SHISA9: variants seen among roughly 807,000 people sequenced by gnomAD.
SHISA9 encodes the protein protein shisa-9.
SHISA9 carries 13 observed loss-of-function variants against 38.0 expected under a neutral mutation model. That is an observed-to-expected ratio of 0.34 (90% CI 0.22 to 0.54). SHISA9 has a LOEUF of 0.54. SHISA9 is among the 20% of genes least tolerant of loss of function. The pLI, the probability that SHISA9 is intolerant of heterozygous loss-of-function variation, is 0.91. For missense variants in SHISA9, 538 were observed against 575.8 expected (o/e 0.93, Z 0.67); for synonymous variants, 275 against 242.0 (o/e 1.14, Z -1.27).
the SHISA9 span, among the ~76,000 whole-genome samples, chr16:13,412,096 C>T: frequency 7.9e-5 from 12 of 151,916 alleles, no homozygotes; most frequent in African/African-American, 2.4e-4. Flanking sequence ...AAGGCCTATT[C>T]TCGAATGTAA....
At chr16:12,985,874 T>G (rs1159676387) in intron 2 of SHISA9, among the ~76,000 whole-genome samples, 1 of 152,138 alleles carries the variant, frequency 6.6e-6, no homozygotes, top group Non-Finnish European at 1.5e-5. Flanking sequence ...TGCCTAAGAG[T>G]TTGTATCCTG....
the SHISA9 span, among the ~76,000 whole-genome samples, chr16:13,357,923 G>A: frequency 6.6e-6 from 1 of 152,044 alleles, no homozygotes; most frequent in Non-Finnish European, 1.5e-5. Flanking sequence ...CTTTTGTGGT[G>A]GAATGTCATC....
At chr16:13,374,906 C>G in the SHISA9 span, among the ~76,000 whole-genome samples, 1 of 152,358 alleles carries the variant, frequency 6.6e-6, no homozygotes, top group African/African-American at 2.4e-5. Context: ...TTGCATTTCT[C>G]TGATGGCCAG....
rs550824399 is a variant in SHISA9, at chr16:12,975,531, A to T, written c.691+58716A>T. 2.0e-5 allele frequency among the ~76,000 whole-genome samples: 3 copies of T among 151,692 alleles called. No homozygotes were observed. The Admixed American group carries it at 2.0e-4, about 10-fold the overall frequency. On this transcript the variant is annotated intron_variant, in intron 2 of 4. Transcript: ENST00000558583. ...AAAGAAAGGAAAAAGGAATAGAGTT[A>T]TTAGCTCTGTCAGAATAATTGGATT... is the stretch of plus-strand genomic sequence containing the variant.
the SHISA9 span, among the ~76,000 whole-genome samples, chr16:13,407,092 AAAAAAG>A: frequency 1.3e-5 from 2 of 150,918 alleles, no homozygotes; most frequent in African/African-American, 2.4e-5. Flanking sequence ...AAAAAAAAAA[AAAAAAG>A]ACCATGACTT....
chr16:13,408,989 T>C, the SHISA9 span, among the ~76,000 whole-genome samples: 1 of 152,182 alleles, frequency 6.6e-6, no homozygotes, highest in Non-Finnish European at 1.5e-5. Flanking sequence ...AGTTGTCTTT[T>C]GGCCTGCCAC....
At chr16:13,234,723 G>A (rs2051363969) in intron 4 of SHISA9, among the ~76,000 whole-genome samples, 1 of 152,160 alleles carries the variant, frequency 6.6e-6, no homozygotes, top group Non-Finnish European at 1.5e-5. Flanking sequence ...AATTTCATAG[G>A]CAAACCAACG....
chr16:13,184,218 C>T lies in SHISA9; in HGVS notation c.692-19176C>T, dbSNP rs2050800781. ...TTACCCACCTATTTCCATTCCACTGCCTCACATAACTAATCACCTGTAAAC... is the reference window on the plus strand; with the variant it reads ...TTACCCACCTATTTCCATTCCACTGTCTCACATAACTAATCACCTGTAAAC... On this transcript the variant is annotated intron_variant, in intron 2 of 4. Transcript: ENST00000558583. 1.3e-5 allele frequency among the ~76,000 whole-genome samples: 2 copies of T among 152,160 alleles called. 1 individual carries two copies. Among genetic ancestry groups the T allele is most frequent in the South Asian group, 4.1e-4 (2 of 4,822 alleles).
chr16:12,986,060 C>T (rs1371058602), intron 2 of SHISA9, among the ~76,000 whole-genome samples: 1 of 152,288 alleles, frequency 6.6e-6, no homozygotes, highest in South Asian at 2.1e-4. Flanking sequence ...TTCAGGGCTT[C>T]CTTCCTTTCT....
At position 13,204,183 on chromosome 16, in the gene SHISA9, T is replaced by C. The variant is rs534069850; in HGVS notation, c.847+634T>C. Among the ~76,000 whole-genome samples, 189 of 150,674 alleles carry C rather than the reference T, an allele frequency of 1.3e-3. 1 individual carries two copies. Among genetic ancestry groups the C allele is most frequent in the African/African-American group, 4.5e-3 (183 of 41,004 alleles). On this transcript the variant is annotated intron_variant, in intron 3 of 4. Coordinates refer to ENST00000558583, the MANE Select transcript of SHISA9 (RefSeq NM_001145204.3). The stretch of plus-strand genomic sequence containing the variant: ...CTATCTATCTATTTATCTATCATCT[T>C]TCTATCTACCTATTATCTGTCTGTC...
rs188104663 is a variant in SHISA9 at position 13,069,407 on chromosome 16, T to A, written c.692-133987T>A. 1.0e-3 allele frequency among the ~76,000 whole-genome samples: 158 copies of A among 152,198 alleles called. 2 individuals are homozygous for A. The highest frequency in any genetic ancestry group is 1.8e-3 in the Non-Finnish European group (120 of 67,972). On this transcript the variant is annotated intron_variant, in intron 2 of 4. Coordinates refer to ENST00000558583, the MANE Select transcript of SHISA9 (RefSeq NM_001145204.3). ...GCAATGTGTATGTGTGTACATACAA[T>A]GTGTGCATGTGTGTGTATGTGTATG...
chr16:13,174,734 C>A (rs1020160986), intron 2 of SHISA9, among the ~76,000 whole-genome samples: 3 of 152,148 alleles, frequency 2.0e-5, no homozygotes, highest in African/African-American at 7.2e-5. Flanking sequence ...ATGAAATGAT[C>A]TCTCTCTTGC....
At chr16:13,384,960 G>T in the SHISA9 span, among the ~76,000 whole-genome samples, 1 of 152,060 alleles carries the variant, frequency 6.6e-6, no homozygotes, top group African/African-American at 2.4e-5. Context: ...CATAAAGAAT[G>T]CTCCAAACTC....
intron 2 of SHISA9, among the ~76,000 whole-genome samples, chr16:13,159,192 T>G (rs1037815354): frequency 1.3e-5 from 2 of 152,284 alleles, no homozygotes; most frequent in Non-Finnish European, 2.9e-5. Context: ...AAACAAGACC[T>G]ATTTCTAGGA....
chr16:13,246,922 T>C, the SHISA9 span, among the ~76,000 whole-genome samples: 5 of 151,702 alleles, frequency 3.3e-5, no homozygotes, highest in South Asian at 1.0e-3. Flanking sequence ...GTTTTCACAC[T>C]GCTATAAAGA....
At chr16:13,318,662 C>T in the SHISA9 span, among the ~76,000 whole-genome samples, 5 of 152,240 alleles carry the variant, frequency 3.3e-5, no homozygotes, top group Admixed American at 3.3e-4. Flanking sequence ...CAATGTTGCT[C>T]CCAGCTGAGG....
chr16:13,544,867 C>T, the SHISA9 span, among the ~76,000 whole-genome samples: 1 of 152,088 alleles, frequency 6.6e-6, no homozygotes, highest in Non-Finnish European at 1.5e-5. Context: ...CACTTAAATG[C>T]AGGAGGTGGA....
chr16:13,073,437 G>C (rs997590701), intron 2 of SHISA9, among the ~76,000 whole-genome samples: 4 of 152,084 alleles, frequency 2.6e-5, no homozygotes, highest in African/African-American at 9.7e-5. Flanking sequence ...ATTTGCCAAG[G>C]GCATTGATCT....
the SHISA9 span, among the ~76,000 whole-genome samples, chr16:13,501,372 A>G: frequency 6.6e-6 from 1 of 152,170 alleles, no homozygotes; most frequent in Non-Finnish European, 1.5e-5. Context: ...TAGGAAAGAG[A>G]GAAAAAGGGA....
Sources: gnomAD v4.1 joint callset for allele counts (sites outside exome capture counted in the v4.1 genomes callset) on GRCh38, gnomAD v4.1.1 for gene constraint, MANE v1.5 for transcripts, NCBI Gene and HGNC (gene_info 2026-07-23, HGNC 2026-07-21) for gene names.